The following DOCK2 variants were observed in gnomAD, a reference collection of about 807,000 sequenced individuals.
DOCK2 encodes the protein dedicator of cytokinesis 2.
A neutral mutation model predicts 248.9 loss-of-function variants in DOCK2; 87 were observed. The ratio of observed to expected loss-of-function variants is 0.35; its 90% confidence interval spans 0.29 to 0.42. The LOEUF (loss-of-function observed/expected upper bound fraction) is 0.42, where lower values mean the gene tolerates loss of function less well. DOCK2 is among the 10% of genes least tolerant of loss of function. The pLI is 1.00. For synonymous variants in DOCK2, 805 were observed against 821.6 expected, an observed-to-expected ratio of 0.98 and a Z score of 0.35; for missense variants, 1,747 against 2,300.2, an observed-to-expected ratio of 0.76 and a Z score of 4.92.
chr5:169,720,977 C>T (rs1039086274), intron 22 of DOCK2, among the ~76,000 whole-genome samples: 5 of 152,214 alleles, frequency 3.3e-5, no homozygotes, highest in African/African-American at 1.2e-4. Flanking sequence ...CCACCTCGGC[C>T]TCCCAAAGTG....
chr5:169,964,451 G>T (rs1003995859), intron 27 of DOCK2, among the ~76,000 whole-genome samples: 4 of 152,262 alleles, frequency 2.6e-5, no homozygotes, highest in Non-Finnish European at 5.9e-5. Context: ...CTGGGAGGGG[G>T]CAGCTAGACG....
chr5:169,898,397 G>T (rs1455844463), intron 27 of DOCK2, among the ~76,000 whole-genome samples: 1 of 152,192 alleles, frequency 6.6e-6, no homozygotes, highest in Non-Finnish European at 1.5e-5. Context: ...GGCTGCCTGG[G>T]TTTAAAATCC....
intron 28 of DOCK2, among the ~76,000 whole-genome samples, chr5:169,984,236 C>A (rs1307336388): frequency 6.6e-6 from 1 of 152,088 alleles, no homozygotes; most frequent in East Asian, 1.9e-4. Flanking sequence ...CACACTATCT[C>A]CTCATTAAGA....
intron 27 of DOCK2, among the ~76,000 whole-genome samples, chr5:169,917,759 G>A (rs1295889958): frequency 2.0e-5 from 3 of 152,164 alleles, no homozygotes; most frequent in Non-Finnish European, 4.4e-5. Flanking sequence ...ACTCAGAAAG[G>A]GATTTTTTCT....
intron 27 of DOCK2, among the ~76,000 whole-genome samples, chr5:169,966,343 C>T (rs1399105974): frequency 2.6e-5 from 4 of 152,174 alleles, no homozygotes. Flanking sequence ...AGCCCCAAAT[C>T]TTAGCTGTGC....
At chr5:169,730,731 C>T (rs913733911) in intron 22 of DOCK2, among the ~76,000 whole-genome samples, 12 of 152,174 alleles carry the variant, frequency 7.9e-5, no homozygotes, top group Admixed American at 5.2e-4. Flanking sequence ...TTCTAGCAAT[C>T]GCTCAACTCC....
intron 27 of DOCK2, chr5:169,864,350 C>T (rs780876054): frequency 1.3e-6 from 2 of 1,551,576 alleles, no homozygotes; most frequent in South Asian, 2.4e-5. Context: ...GCTGGGGGTT[C>T]TGCTGGGGAC....
intron 27 of DOCK2, among the ~76,000 whole-genome samples, chr5:169,896,608 A>C (rs900951461): frequency 2.0e-5 from 3 of 152,222 alleles, no homozygotes; most frequent in Non-Finnish European, 2.9e-5. Flanking sequence ...GAACCACTTA[A>C]TAAACTTTGG....
rs28499470 is a variant in DOCK2, at chr5:169,709,925, C to G, written c.1482+1658C>G. 4.2e-3 allele frequency among the ~76,000 whole-genome samples: 645 copies of G among 152,270 alleles called. 3 individuals carry two copies. The highest frequency in any genetic ancestry group is 0.015 in the African/African-American group (625 of 41,554). The stretch of plus-strand genomic sequence containing the variant: ...AACTCGTTGACTACCGAGCATTTTC[C>G]TTTTTCCTAGTGTCATATCCTGGGG... On this transcript the variant is annotated intron_variant, in intron 15 of 51. Coordinates refer to ENST00000520908, the MANE Select transcript of DOCK2 (RefSeq NM_004946.3).
intron 27 of DOCK2, among the ~76,000 whole-genome samples, chr5:169,846,116 C>T (rs965899806): frequency 1.3e-5 from 2 of 152,064 alleles, no homozygotes; most frequent in African/African-American, 2.4e-5. Flanking sequence ...GTTTCCATTG[C>T]TTGGGAATAT....
At chr5:170,051,390 C>G (rs771532636) in intron 41 of DOCK2, among the ~76,000 whole-genome samples, 1 of 152,162 alleles carries the variant, frequency 6.6e-6, no homozygotes, top group African/African-American at 2.4e-5. Context: ...TGTGATATGC[C>G]CAGCTTGTTC....
intron 29 of DOCK2, among the ~76,000 whole-genome samples, chr5:169,989,688 A>T (rs571379208): frequency 6.6e-6 from 1 of 152,342 alleles, no homozygotes; most frequent in South Asian, 2.1e-4. Flanking sequence ...ATTCCATCTG[A>T]GCAAGATCCT....
intron 27 of DOCK2, among the ~76,000 whole-genome samples, chr5:169,914,886 A>G (rs373516281): frequency 6.6e-6 from 1 of 152,364 alleles, no homozygotes; most frequent in Admixed American, 6.5e-5. Context: ...ACAGACTGAC[A>G]TAACTGTTGT....
intron 6 of DOCK2, among the ~76,000 whole-genome samples, chr5:169,680,189 G>A (rs1759583188): frequency 6.6e-6 from 1 of 152,222 alleles, no homozygotes; most frequent in South Asian, 2.1e-4. Context: ...ATGACCTTGA[G>A]CAATTAGTCC....
At chr5:169,686,317 A>T (rs1165605370) in intron 8 of DOCK2, among the ~76,000 whole-genome samples, 2 of 152,178 alleles carry the variant, frequency 1.3e-5, no homozygotes, top group Non-Finnish European at 2.9e-5. Context: ...CATCTCAGTG[A>T]TGGATGGCTG....
At chr5:170,059,188 C>T (rs556095302) in intron 44 of DOCK2, among the ~76,000 whole-genome samples, 5 of 151,806 alleles carry the variant, frequency 3.3e-5, no homozygotes, top group African/African-American at 1.2e-4. Context: ...CCCAGCCCAC[C>T]CCAGCAAGTA....
intron 26 of DOCK2, among the ~76,000 whole-genome samples, chr5:169,838,491 A>G (rs1769731480): frequency 6.6e-6 from 1 of 152,222 alleles, no homozygotes; most frequent in African/African-American, 2.4e-5. Context: ...AACCATGAAC[A>G]TCATGTTCAC....
At chr5:170,028,435 A>C (rs981435319) in intron 34 of DOCK2, 4 of 154,604 alleles carry the variant, frequency 2.6e-5, no homozygotes, top group African/African-American at 9.6e-5. Context: ...TTGTTCAAGG[A>C]AACTAGGACG....
At chr5:169,826,468 TG>T (rs1173479729) in intron 26 of DOCK2, among the ~76,000 whole-genome samples, 1 of 151,804 alleles carries the variant, frequency 6.6e-6, no homozygotes, top group African/African-American at 2.4e-5. Context: ...CTGGGAGAAA[TG>T]AAACCTCTCC....
Sources: allele counts gnomAD v4.1 joint callset (sites outside exome capture counted in the v4.1 genomes callset), GRCh38; gene constraint gnomAD v4.1.1; transcripts MANE v1.5; gene names NCBI Gene and HGNC (gene_info 2026-07-23, HGNC 2026-07-21).